The following COL23A1 variants were observed in gnomAD, a reference collection of about 807,000 sequenced individuals.
COL23A1 encodes the protein collagen type XXIII alpha 1 chain, also known as collagen alpha-1(XXIII) chain.
Under a neutral mutation model 99.3 loss-of-function variants are expected in COL23A1, and 97 were observed. That is an observed-to-expected ratio of 0.98 (90% CI 0.83 to 1.16). The LOEUF is 1.16. Ranked by LOEUF, COL23A1 falls within the 50% of genes most tolerant of loss-of-function variation. COL23A1 has a pLI of 0.00. For missense variants in COL23A1, 762 were observed against 757.4 expected (o/e 1.01, Z -0.07); for synonymous variants, 320 against 308.2 (o/e 1.04, Z -0.40).
chr5:178,534,839 C>T (rs1156837109), intron 2 of COL23A1, among the ~76,000 whole-genome samples: 1 of 152,164 alleles, frequency 6.6e-6, no homozygotes, highest in Non-Finnish European at 1.5e-5. Flanking sequence ...GATTACAGTA[C>T]AGGCCCTGCC....
intron 2 of COL23A1, among the ~76,000 whole-genome samples, chr5:178,458,301 G>A (rs147641431): frequency 0.015 from 2,316 of 152,186 alleles, 70 homozygotes; most frequent in African/African-American, 0.052. Context: ...GATGCAGGGG[G>A]CGGGGGTGCA....
intron 3 of COL23A1, among the ~76,000 whole-genome samples, chr5:178,297,075 G>A (rs1302061604): frequency 3.3e-5 from 5 of 152,214 alleles, no homozygotes; most frequent in East Asian, 1.9e-4. Context: ...CCTTGGGCAC[G>A]GTGCTCTGCT....
At chr5:178,452,184 G>A (rs1767526835) in intron 2 of COL23A1, among the ~76,000 whole-genome samples, 1 of 152,142 alleles carries the variant, frequency 6.6e-6, no homozygotes, top group African/African-American at 2.4e-5. Flanking sequence ...AAAATAAAAT[G>A]TCCAAAAGTA....
chr5:178,422,644 C>T (rs555748959), intron 2 of COL23A1, among the ~76,000 whole-genome samples: 3 of 152,140 alleles, frequency 2.0e-5, no homozygotes, highest in Non-Finnish European at 4.4e-5. Flanking sequence ...CCCACCCCCA[C>T]GTGGTCGCCA....
At chr5:178,348,264 G>A (rs1464888371) in intron 2 of COL23A1, among the ~76,000 whole-genome samples, 1 of 152,160 alleles carries the variant, frequency 6.6e-6, no homozygotes, top group African/African-American at 2.4e-5. Context: ...CACGCACTCG[G>A]GGCGACTCTG....
chr5:178,390,512 C>T (rs904400637), intron 2 of COL23A1, among the ~76,000 whole-genome samples: 2 of 152,228 alleles, frequency 1.3e-5, no homozygotes, highest in African/African-American at 4.8e-5. Context: ...CCAAAGTGCA[C>T]AGGACAATGA....
intron 2 of COL23A1, among the ~76,000 whole-genome samples, chr5:178,426,866 C>T (rs1172244374): frequency 1.3e-5 from 2 of 152,206 alleles, no homozygotes; most frequent in Non-Finnish European, 2.9e-5. Context: ...ATACGAGAGA[C>T]GCTGCCCATC....
In COL23A1 at chr5:178,402,096, G is replaced by T. The variant is rs190403917; in HGVS notation, c.362-95177C>A. Among the ~76,000 whole-genome samples the T allele has an allele frequency of 3.3e-4, 50 of 152,304 alleles. 1 individual carries two copies. The East Asian group carries it at 9.3e-3, about 28-fold the overall frequency. On this transcript the variant is annotated intron_variant, in intron 2 of 28. Transcript: ENST00000390654. ...CTACCAAAGTGCTGGAATTACAGGTGTGAGCCACCGCGCCCAGCTGCCTTT... is the reference window on the plus strand; with the variant it reads ...CTACCAAAGTGCTGGAATTACAGGTTTGAGCCACCGCGCCCAGCTGCCTTT...
chr5:178,269,529 A>C (rs1311998166), intron 6 of COL23A1, among the ~76,000 whole-genome samples: 3 of 99,498 alleles, frequency 3.0e-5, no homozygotes, highest in Admixed American at 1.2e-4. Flanking sequence ...CCATCCACCC[A>C]CCCATCTATC....
At chr5:178,584,986 C>A (rs1318824861) in intron 1 of COL23A1, among the ~76,000 whole-genome samples, 2 of 152,186 alleles carry the variant, frequency 1.3e-5, no homozygotes, top group Non-Finnish European at 2.9e-5. Context: ...GGGGGCAGAA[C>A]AGCATCTGCT....
intron 2 of COL23A1, among the ~76,000 whole-genome samples, chr5:178,516,120 C>T (rs184066598): frequency 3.3e-5 from 5 of 152,308 alleles, no homozygotes; most frequent in East Asian, 3.9e-4. Flanking sequence ...CCACCTGCCC[C>T]GTCCTCGTCC....
intron 25 of COL23A1, among the ~76,000 whole-genome samples, chr5:178,244,984 C>T (rs1366665770): frequency 6.9e-6 from 1 of 145,224 alleles, no homozygotes; most frequent in African/African-American, 2.5e-5. Context: ...CACTCATCAT[C>T]TATCATCCAT....
chr5:178,365,792 G>A lies in COL23A1; in HGVS notation c.362-58873C>T, dbSNP rs1762441495. Among the ~76,000 whole-genome samples, 1 of 152,290 alleles carries A rather than the reference G, an allele frequency of 6.6e-6. No homozygotes were observed. Among genetic ancestry groups the A allele is most frequent in the Middle Eastern group, 3.4e-3 (1 of 294 alleles). ...ACACCCAGGAGTCCTCTGTGACCTG[G>A]GAGGGGGCCCACTCCCCCTACCCTC... On this transcript the variant is annotated intron_variant, in intron 2 of 28. Transcript: ENST00000390654. This position sits in a 1 kb window ranked among gnomAD's most constrained non-coding sequence, Gnocchi z 5.2.
intron 8 of COL23A1, 64 bp from the exon 9 acceptor site, chr5:178,263,388 C>T: frequency 9.6e-7 from 1 of 1,041,644 alleles, no homozygotes; most frequent in South Asian, 1.6e-5. Flanking sequence ...GAGAGAGGCT[C>T]CCTCAGATGG....
At chr5:178,492,979 G>A (rs1384487867) in intron 2 of COL23A1, among the ~76,000 whole-genome samples, 1 of 152,188 alleles carries the variant, frequency 6.6e-6, no homozygotes, top group Admixed American at 6.5e-5. Flanking sequence ...AAAGTGCCTG[G>A]CCCTTGGTAA....
At chr5:178,535,484 C>G in intron 2 of COL23A1, among the ~76,000 whole-genome samples, 1 of 152,252 alleles carries the variant, frequency 6.6e-6, no homozygotes, top group Admixed American at 6.5e-5. Flanking sequence ...CTCTGTATAC[C>G]GCATGCCAGG....
chr5:178,362,016 T>C (rs917311263), intron 2 of COL23A1, among the ~76,000 whole-genome samples: 1 of 152,176 alleles, frequency 6.6e-6, no homozygotes, highest in Non-Finnish European at 1.5e-5. Flanking sequence ...GGAGTAGTGA[T>C]GCTTATGCAA....
intron 2 of COL23A1, among the ~76,000 whole-genome samples, chr5:178,330,132 TC>T (rs1318702718): frequency 6.6e-6 from 1 of 152,038 alleles, no homozygotes; most frequent in African/African-American, 2.4e-5. Context: ...TGCAGGCTTT[TC>T]CCCTGAAAAG....
intron 3 of COL23A1, among the ~76,000 whole-genome samples, chr5:178,304,240 G>A (rs1758224525): frequency 6.6e-6 from 1 of 152,052 alleles, no homozygotes; most frequent in African/African-American, 2.4e-5. Flanking sequence ...TGGGCGCGGT[G>A]GCTCACGCCT....
Sources: allele counts gnomAD v4.1 joint callset (sites outside exome capture counted in the v4.1 genomes callset), GRCh38; gene constraint gnomAD v4.1.1; non-coding constraint Gnocchi (gnomAD v3.1); transcripts MANE v1.5; gene names NCBI Gene and HGNC (gene_info 2026-07-23, HGNC 2026-07-21).